The following TTC24 variants were observed in gnomAD, a reference collection of about 807,000 sequenced individuals.
TTC24 encodes the protein tetratricopeptide repeat domain 24.
In TTC24, 54 loss-of-function variants were observed where a neutral mutation model predicts 63.3. The observed-to-expected ratio is 0.85, with a 90% CI of 0.69 to 1.07. The LOEUF is 1.07. TTC24 is among the 50% of genes least tolerant of loss of function. TTC24 has a pLI of 0.00. For synonymous variants in TTC24, 276 were observed against 304.3 expected, an observed-to-expected ratio of 0.91 and a Z score of 0.97; for missense variants, 680 against 730.5, an observed-to-expected ratio of 0.93 and a Z score of 0.80.
Position 156,583,595 on chromosome 1 carries a change from C to T in TTC24, c.1152+145C>T, listed in dbSNP as rs1038434926. 1 of 885,332 alleles carries T rather than the reference C, an allele frequency of 1.1e-6. No individual in the cohort carries two copies. 54.8% of individuals were successfully genotyped at this position (885,332 alleles called of 1,614,324 possible). A position where few individuals can be genotyped will look rare whatever the true frequency, so the allele number is the denominator to read the frequency against. On this transcript the variant is annotated intron_variant, in intron 5 of 10. Transcript: ENST00000368236. This position sits in a 1 kb window ranked among gnomAD's most constrained non-coding sequence, Gnocchi z 4.0. ...ACACTGTGTGCTAGGTCTTGGGATA[C>T]TATTGTGAGGAAGAGTTCATCGCTG... is the stretch of plus-strand genomic sequence containing the variant.
At position 156,582,293 on chromosome 1, in the gene TTC24, G is replaced by T; in HGVS notation, c.769G>T (p.Glu257Ter). 4.4e-6 allele frequency: 7 copies of T among 1,573,356 alleles called. No homozygotes were observed. The highest frequency in any genetic ancestry group is 6.0e-6 in the Non-Finnish European group (7 of 1,160,184). ...GCTCCAGCTGTTCCCGCTGGCCGTG[G>T]AGGCCTTCCTGCAGGCCCTGCCCCT... ...SQLQLFPLAV[E>*]AFLQALPLCW... The change falls in exon 3 of 11, where the codon GAG (glutamate) becomes TAG (stop). Residue 257 changes from glutamate to a stop codon, truncating the protein, a stop_gained. Coordinates refer to ENST00000368236, the MANE Select transcript of TTC24 (RefSeq NM_001105669.4). LOFTEE classifies it high-confidence loss of function.
chr1:156,581,277 G>A, intron 1 of TTC24, 84 bp from the exon 2 acceptor site: 1 of 964,772 alleles, frequency 1.0e-6, no homozygotes, highest in East Asian at 2.7e-5. Flanking sequence ...TAGGGCAGGG[G>A]TAGAGCTGAA....
chr1:156,582,462 C>T, intron 3 of TTC24, 28 bp downstream of exon 3: 2 of 1,605,416 alleles, frequency 1.2e-6, no homozygotes, highest in East Asian at 2.2e-5. Flanking sequence ...GGGAATGGGA[C>T]TGGGACTAAG....
rs1367095313 is a variant in TTC24 at position 156,583,723 on chromosome 1, C to T, written c.1153-74C>T. The T allele has an allele frequency of 3.1e-5, 20 of 642,294 alleles. No homozygotes were observed. The highest frequency in any genetic ancestry group is 1.3e-4 in the Admixed American group (5 of 39,292). 39.8% of individuals were successfully genotyped at this position (642,294 alleles called of 1,614,324 possible). The stretch of plus-strand genomic sequence containing the variant: ...CCCCTCCCCCCTCCCTTTCCTGTTT[C>T]CTTCTTCCCCAACCCCCAGAGGACC... On this transcript the variant is annotated intron_variant, in intron 5 of 10. Transcript: ENST00000368236. The surrounding 1 kb of genome is among the most constrained non-coding windows in gnomAD (Gnocchi z 4.0).
intron 1 of TTC24, among the ~76,000 whole-genome samples, chr1:156,580,464 C>T (rs569052512): frequency 7.9e-5 from 12 of 151,282 alleles, no homozygotes; most frequent in South Asian, 4.2e-4. Flanking sequence ...CCTGCATATG[C>T]GGTTCCTTCA....
At position 156,583,100 on chromosome 1, in the gene TTC24, G is replaced by C. The variant is rs1677048588; in HGVS notation, c.969G>C (p.Leu323Phe). ...GRSFGSLAFA[L>F]SQLGDHKAAR... Reference sequence around the variant, plus strand: ...GCTTTGGCAGCCTGGCCTTTGCATTGAGCCAGCTGGGGGACCACAAGGCTG... The same window carrying C: ...GCTTTGGCAGCCTGGCCTTTGCATTCAGCCAGCTGGGGGACCACAAGGCTG... Residue 323 changes from leucine to phenylalanine, a missense_variant, in exon 4 of 11, where the codon TTG (leucine) becomes TTC (phenylalanine). Transcript: ENST00000368236. This position sits in a 1 kb window ranked among gnomAD's most constrained non-coding sequence, Gnocchi z 4.0. The C allele has an allele frequency of 1.2e-6, 2 of 1,613,810 alleles. No homozygotes were observed.
In TTC24 at chr1:156,581,596, C is replaced by T; in HGVS notation, c.232C>T (p.Leu78Phe). Reference sequence around the variant, plus strand: ...CCCACAAACCAGGGATACCCCTGTGCTCCAGGCCTGCGCCTTCAACCTGGG... The same window carrying T: ...CCCACAAACCAGGGATACCCCTGTGTTCCAGGCCTGCGCCTTCAACCTGGG... ...KAPQTRDTPV[L>F]QACAFNLGAA... Residue 78 changes from leucine (L) to phenylalanine (F), a missense_variant, in exon 2 of 11, where the codon CTC (leucine) becomes TTC (phenylalanine). Coordinates refer to ENST00000368236, the MANE Select transcript of TTC24 (RefSeq NM_001105669.4). 1 of 1,551,756 alleles carries T rather than the reference C, an allele frequency of 6.4e-7. No individual in the cohort carries two copies. The highest frequency in any genetic ancestry group is 1.2e-5 in the South Asian group (1 of 84,070).
chr1:156,583,426 T>G lies in TTC24; in HGVS notation c.1128T>G (p.Tyr376Ter), dbSNP rs759116531. ...LGQYDQALKY[Y>*]KEALAQCQKE... ...AGTATGACCAGGCCTTGAAGTACTA[T>G]AAGGAAGCACTGGCCCAGTGTCAGG... Residue 376 changes from tyrosine (Y) to a stop codon, truncating the protein, a stop_gained, in exon 5 of 11, where the codon TAT becomes TAG. Coordinates refer to ENST00000368236, the MANE Select transcript of TTC24 (RefSeq NM_001105669.4). LOFTEE classifies it high-confidence loss of function. The surrounding 1 kb of genome is among the most constrained non-coding windows in gnomAD (Gnocchi z 4.0). The G allele has an allele frequency of 2.5e-6, 4 of 1,608,008 alleles. No individual in the cohort carries two copies. In the Admixed American group the frequency reaches 6.9e-5, roughly 28 times the overall value.
chr1:156,580,956 A>G (rs931246274), intron 1 of TTC24, among the ~76,000 whole-genome samples: 44 of 152,344 alleles, frequency 2.9e-4, no homozygotes, highest in African/African-American at 1.1e-3. Context: ...TTTATTGAGA[A>G]TCTACTGTGT....
Position 156,581,878 on chromosome 1 carries a change from C to G in TTC24, c.514C>G (p.Leu172Val), listed in dbSNP as rs1187448774. Residue 172 changes from leucine (L) to valine (V), a missense_variant, in exon 2 of 11, where the codon CTA becomes GTA. Coordinates refer to ENST00000368236, the MANE Select transcript of TTC24 (RefSeq NM_001105669.4). Reference protein sequence around the residue: ...ACYQALGQPELAAHCLQEASQ... With the variant: ...ACYQALGQPEVAAHCLQEASQ... ...CTACCAGGCTCTGGGACAGCCTGAG[C>G]TAGCAGCCCACTGCCTGCAGGAAGC... is the stretch of plus-strand genomic sequence containing the variant. The G allele has an allele frequency of 7.8e-6, 12 of 1,547,936 alleles. No individual in the cohort carries two copies. The East Asian group carries it at 2.9e-4, about 38-fold the overall frequency.
Position 156,582,362 on chromosome 1 carries a change from G to A in TTC24, c.838G>A (p.Gly280Arg), listed in dbSNP as rs562308940. 35 of 1,613,040 alleles carry A rather than the reference G, an allele frequency of 2.2e-5. No individual in the cohort carries two copies. In the East Asian group the frequency reaches 2.9e-4, roughly 13 times the overall value. Residue 280 changes from glycine to arginine, a missense_variant, in exon 3 of 11, where the codon GGG (glycine) becomes AGG (arginine). Gly to Arg is a moderately radical substitution (Grantham distance 125). Coordinates refer to ENST00000368236, the MANE Select transcript of TTC24 (RefSeq NM_001105669.4). ...GEQATVLRNL[G>R]MAHNALGNYQ... ...GCAGGCCACAGTGCTAAGAAACCTC[G>A]GGATGGCCCACAATGCCCTCGGCAA...
rs116044211 is a variant in TTC24, at chr1:156,582,629, C to T, written c.910+195C>T. On this transcript the variant is annotated intron_variant, in intron 3 of 10. Transcript: ENST00000368236. ...GACAGAGGGTTGTGGGCCCAGAGGC[C>T]GAGGCCTCAGGGTTGGGAAGGCAGC... 2.0e-3 allele frequency among the ~76,000 whole-genome samples: 310 copies of T among 152,176 alleles called. 1 individual carries two copies. Among genetic ancestry groups the T allele is most frequent in the African/African-American group, 7.3e-3 (303 of 41,492 alleles).
Position 156,583,208 on chromosome 1 carries a change from G to A in TTC24, c.1039+38G>A. ...GGGTTGGGATGTGACTGGGACAGTG[G>A]GGAGGCTGAGGGTCCTAGGGGCTGG... On this transcript the variant is annotated intron_variant, in intron 4 of 10. Coordinates refer to ENST00000368236, the MANE Select transcript of TTC24 (RefSeq NM_001105669.4). The surrounding 1 kb of genome is among the most constrained non-coding windows in gnomAD (Gnocchi z 4.0). The A allele has an allele frequency of 6.2e-7, 1 of 1,610,614 alleles. No individual in the cohort carries two copies. Among genetic ancestry groups the A allele is most frequent in the Non-Finnish European group, 8.5e-7 (1 of 1,178,316 alleles).
chr1:156,585,686 C>A, intron 8 of TTC24, 27 bp from the exon 9 acceptor site: 1 of 1,544,830 alleles, frequency 6.5e-7, no homozygotes, highest in Non-Finnish European at 9.0e-7. Context: ...TTGAGCTGAC[C>A]TGAATTTACC....
intron 2 of TTC24, 67 bp from the exon 3 acceptor site, chr1:156,582,164 G>A (rs924696977): frequency 2.6e-5 from 39 of 1,477,092 alleles, no homozygotes; most frequent in Non-Finnish European, 3.3e-5. Context: ...TGGAGGAGTC[G>A]ATAGGGGCTG....
At chr1:156,581,268 A>T in intron 1 of TTC24, 93 bp from the exon 2 acceptor site, 1 of 876,818 alleles carries the variant, frequency 1.1e-6, no homozygotes, top group Non-Finnish European at 1.7e-6. Context: ...GGGTCATGCT[A>T]GGGCAGGGGT....
In TTC24 at chr1:156,583,526, G is replaced by T; in HGVS notation, c.1152+76G>T. 1.6e-6 allele frequency: 2 copies of T among 1,227,996 alleles called. No homozygotes were observed. Among genetic ancestry groups the T allele is most frequent in the Non-Finnish European group, 2.3e-6 (2 of 878,808 alleles). The allele number at this position is 1,227,996 out of a possible 1,614,324, so 76.1% of individuals were successfully genotyped here. On this transcript the variant is annotated intron_variant, in intron 5 of 10. Coordinates refer to ENST00000368236, the MANE Select transcript of TTC24 (RefSeq NM_001105669.4). This position sits in a 1 kb window ranked among gnomAD's most constrained non-coding sequence, Gnocchi z 4.0. ...GCTGACATTCCTGCCTTCACTCCTT[G>T]TCTTCTCCCCATCACTCACTCAATC...
Position 156,583,704 on chromosome 1 carries a change from C to A in TTC24, c.1153-93C>A. 1 of 944,372 alleles carries A rather than the reference C, an allele frequency of 1.1e-6. No homozygotes were observed. The highest frequency in any genetic ancestry group is 1.6e-6 in the Non-Finnish European group (1 of 610,844). 58.5% of individuals were successfully genotyped at this position (944,372 alleles called of 1,614,324 possible). ...AGAGAGGGGAAACAAAGCCCCCCTCCCCCCTCCCTTTCCTGTTTCCTTCTT... is the reference window on the plus strand; with the variant it reads ...AGAGAGGGGAAACAAAGCCCCCCTCACCCCTCCCTTTCCTGTTTCCTTCTT... On this transcript the variant is annotated intron_variant, in intron 5 of 10. Coordinates refer to ENST00000368236, the MANE Select transcript of TTC24 (RefSeq NM_001105669.4). The surrounding 1 kb of genome is among the most constrained non-coding windows in gnomAD (Gnocchi z 4.0).
Position 156,583,468 on chromosome 1 carries a change from G to A in TTC24, c.1152+18G>A, listed in dbSNP as rs370754135. 20 of 1,555,458 alleles carry A rather than the reference G, an allele frequency of 1.3e-5. No homozygotes were observed. The highest frequency in any genetic ancestry group is 2.1e-5 in the Admixed American group (1 of 47,864). ...AGTGTCAGGTGAGACCCCGCACACC[G>A]GAATCCACCTCTCCCCTGCTATCCC... is the stretch of plus-strand genomic sequence containing the variant. On this transcript the variant is annotated intron_variant, in intron 5 of 10. Transcript: ENST00000368236. The surrounding 1 kb of genome is among the most constrained non-coding windows in gnomAD (Gnocchi z 4.0).
Sources: allele counts gnomAD v4.1 joint callset (sites outside exome capture counted in the v4.1 genomes callset), GRCh38; gene constraint gnomAD v4.1.1; non-coding constraint Gnocchi (gnomAD v3.1); transcripts MANE v1.5; gene names NCBI Gene and HGNC (gene_info 2026-07-23, HGNC 2026-07-21).